GRM1: variants seen among roughly 807,000 people sequenced by gnomAD.
GRM1 encodes the protein metabotropic glutamate receptor 1.
GRM1 carries 33 observed loss-of-function variants against 90.9 expected under a neutral mutation model. The observed-to-expected ratio is 0.36, with a 90% CI of 0.28 to 0.49. GRM1 has a LOEUF of 0.49. Among genes scored for constraint, GRM1 ranks in the 20% least tolerant of loss-of-function variants. The pLI is 0.99. For missense variants in GRM1, 1,190 were observed against 1,534.3 expected (o/e 0.78, Z 3.75); for synonymous variants, 700 against 613.2 (o/e 1.14, Z -2.09).
chr6:146,148,669 T>C (rs191195607), intron 1 of GRM1, among the ~76,000 whole-genome samples: 3 of 152,340 alleles, frequency 2.0e-5, no homozygotes, highest in Admixed American at 2.0e-4. Context: ...ATGAACATAA[T>C]TTAACATACT....
At chr6:146,345,734 G>A (rs995663826) in intron 3 of GRM1, among the ~76,000 whole-genome samples, 1 of 152,180 alleles carries the variant, frequency 6.6e-6, no homozygotes, top group Non-Finnish European at 1.5e-5. Context: ...CCTTCTTAGA[G>A]TGTGGGAGAG....
chr6:146,073,906 A>G (rs903975548), intron 1 of GRM1, among the ~76,000 whole-genome samples: 27 of 152,144 alleles, frequency 1.8e-4, no homozygotes, highest in Admixed American at 1.6e-3. Context: ...AGAGATGTCC[A>G]TATGTGGAGA....
intron 2 of GRM1, among the ~76,000 whole-genome samples, chr6:146,184,053 G>A (rs1172791067): frequency 6.6e-6 from 1 of 152,030 alleles, no homozygotes; most frequent in African/African-American, 2.4e-5. Flanking sequence ...AACACTGCTG[G>A]ATTTAGCCAG....
At chr6:146,034,460 T>G (rs948525501) in intron 1 of GRM1, among the ~76,000 whole-genome samples, 1 of 151,956 alleles carries the variant, frequency 6.6e-6, no homozygotes, top group African/African-American at 2.4e-5. Flanking sequence ...ATCTCCTTCC[T>G]TTTATGCTTG....
intron 2 of GRM1, among the ~76,000 whole-genome samples, chr6:146,165,322 A>G (rs1777868971): frequency 6.6e-6 from 1 of 152,128 alleles, no homozygotes; most frequent in Non-Finnish European, 1.5e-5. Context: ...GAAACATAAG[A>G]TTATATACCA....
intron 2 of GRM1, among the ~76,000 whole-genome samples, chr6:146,210,053 G>A (rs1779636632): frequency 1.3e-5 from 2 of 152,120 alleles, no homozygotes; most frequent in South Asian, 4.1e-4. Context: ...TTGAATGCAG[G>A]ATGGGGTCGA....
intron 1 of GRM1, among the ~76,000 whole-genome samples, chr6:146,060,265 A>G (rs1775617770): frequency 6.6e-6 from 1 of 151,882 alleles, no homozygotes; most frequent in Non-Finnish European, 1.5e-5. Context: ...TTTTTATTTC[A>G]GGCTCAGGTG....
chr6:146,322,484 C>T (rs971231198), intron 3 of GRM1, among the ~76,000 whole-genome samples: 5 of 152,244 alleles, frequency 3.3e-5, no homozygotes, highest in Non-Finnish European at 5.9e-5. Context: ...TCTGCTGAAG[C>T]TGGACCCACA....
rs372592984 is a variant in GRM1, at chr6:146,191,332, G to T, written c.950+31735G>T. Among the ~76,000 whole-genome samples, 22 of 152,286 alleles carry T rather than the reference G, an allele frequency of 1.4e-4. 1 individual carries two copies. Among genetic ancestry groups the T allele is most frequent in the African/African-American group, 5.3e-4 (22 of 41,560 alleles). ...CAGGTCTTGCTTGTATTTGCTTCCT[G>T]CACATTTGGCATAGTGTCTGGCACA... On this transcript the variant is annotated intron_variant, in intron 2 of 7. Coordinates refer to ENST00000282753, the MANE Select transcript of GRM1 (RefSeq NM_001278064.2).
At chr6:146,085,959 A>T (rs1054044963) in intron 1 of GRM1, among the ~76,000 whole-genome samples, 2 of 152,146 alleles carry the variant, frequency 1.3e-5, no homozygotes, top group Non-Finnish European at 2.9e-5. Context: ...TGAGAAAGTT[A>T]TTGCTTTGTG....
intron 1 of GRM1, among the ~76,000 whole-genome samples, chr6:146,147,168 A>G (rs1262980076): frequency 6.6e-6 from 1 of 152,236 alleles, no homozygotes; most frequent in African/African-American, 2.4e-5. Flanking sequence ...GGTCACTCCA[A>G]ACAAAAGTGA....
At chr6:146,041,433 C>T (rs1215609360) in intron 1 of GRM1, among the ~76,000 whole-genome samples, 2 of 152,000 alleles carry the variant, frequency 1.3e-5, no homozygotes, top group Non-Finnish European at 2.9e-5. Flanking sequence ...CCTGTTGAGT[C>T]CCCTTAGCCC....
At chr6:146,266,612 C>T (rs186488277) in intron 2 of GRM1, among the ~76,000 whole-genome samples, 1 of 152,218 alleles carries the variant, frequency 6.6e-6, no homozygotes. Flanking sequence ...CAACCACACT[C>T]CCGCTGTCCT....
At chr6:146,043,151 C>T (rs755364725) in intron 1 of GRM1, among the ~76,000 whole-genome samples, 7 of 151,808 alleles carry the variant, frequency 4.6e-5, no homozygotes, top group Non-Finnish European at 7.4e-5. Flanking sequence ...AAAAAATAAC[C>T]GTGCATGGTG....
At chr6:146,177,103 A>G (rs985586174) in intron 2 of GRM1, among the ~76,000 whole-genome samples, 5 of 152,092 alleles carry the variant, frequency 3.3e-5, no homozygotes, top group Non-Finnish European at 7.4e-5. Flanking sequence ...AGCCTTAAGT[A>G]TTTGGCTTCA....
intron 2 of GRM1, among the ~76,000 whole-genome samples, chr6:146,188,566 T>A (rs1410000677): frequency 6.6e-6 from 1 of 152,206 alleles, no homozygotes; most frequent in Non-Finnish European, 1.5e-5. Context: ...AATGTCAGAA[T>A]GTTTAATTCT....
At chr6:146,415,089 A>G (rs1327823081) in intron 7 of GRM1, among the ~76,000 whole-genome samples, 1 of 152,212 alleles carries the variant, frequency 6.6e-6, no homozygotes, top group Non-Finnish European at 1.5e-5. Context: ...TGGCTTATAT[A>G]CCATAGAAGT....
intron 2 of GRM1, among the ~76,000 whole-genome samples, chr6:146,243,781 T>G (rs1780949964): frequency 6.6e-6 from 1 of 152,096 alleles, no homozygotes. Context: ...ATTTATTAGG[T>G]GGGAATGTCC....
intron 7 of GRM1, among the ~76,000 whole-genome samples, chr6:146,422,769 T>C (rs1247662912): frequency 6.6e-6 from 1 of 152,158 alleles, no homozygotes; most frequent in Non-Finnish European, 1.5e-5. Flanking sequence ...AGCAAAGTCA[T>C]ACTGAGTTAA....
Sources: gnomAD v4.1 joint callset for allele counts (sites outside exome capture counted in the v4.1 genomes callset) on GRCh38, gnomAD v4.1.1 for gene constraint, MANE v1.5 for transcripts, NCBI Gene and HGNC (gene_info 2026-07-23, HGNC 2026-07-21) for gene names.